TAF1C: variants seen among roughly 807,000 people sequenced by gnomAD.
TAF1C encodes TATA box-binding protein-associated factor RNA polymerase I subunit C.
Under a neutral mutation model 70.5 loss-of-function variants are expected in TAF1C, and 79 were observed. That is an observed-to-expected ratio of 1.12 (90% confidence interval 0.93 to 1.35). The LOEUF (loss-of-function observed/expected upper bound fraction) is 1.35. Among genes scored for constraint, TAF1C ranks in the 40% most tolerant of loss-of-function variants. The pLI is 0.00. For synonymous variants in TAF1C, 614 were observed against 491.1 expected, an observed-to-expected ratio of 1.25 and a Z score of -3.31; for missense variants, 1,412 against 1,127.8, an observed-to-expected ratio of 1.25 and a Z score of -3.61.
At chr16:84,183,192 A>C (rs2089297613) in intron 5 of TAF1C, 43 bp from the exon 6 acceptor site, 7 of 1,613,512 alleles carry the variant, frequency 4.3e-6, no homozygotes, top group Non-Finnish European at 5.9e-6. Flanking sequence ...CCTCGAGTTC[A>C]CCCCTGAAGG....
intron 12 of TAF1C, chr16:84,180,818 C>T (rs1032355598): frequency 4.4e-6 from 6 of 1,366,042 alleles, no homozygotes; most frequent in South Asian, 1.9e-5. Flanking sequence ...CCCCTGGCTG[C>T]ACCTCGAAGC....
Position 84,182,551 on chromosome 16 carries a change from C to T in TAF1C, c.483-111G>A. 4.5e-6 allele frequency: 5 copies of T among 1,102,168 alleles called. No homozygotes were observed. Among genetic ancestry groups the T allele is most frequent in the Non-Finnish European group, 6.3e-6 (5 of 787,730 alleles). 68.3% of individuals were successfully genotyped at this position (1,102,168 alleles called of 1,614,324 possible). ...CACATTTCTTATTTACCTAGAATTT[C>T]TTCCTTTGGGAGACCACCCCATCCT... On this transcript the variant is annotated intron_variant, in intron 6 of 14. Transcript: ENST00000566732. This position sits in a 1 kb window ranked among gnomAD's most constrained non-coding sequence, Gnocchi z 5.0.
In TAF1C at chr16:84,182,215, G is replaced by A. The variant is rs1338127074; in HGVS notation, c.708C>T (p.Ala236=). The A allele has an allele frequency of 5.6e-6, 9 of 1,610,756 alleles. No individual in the cohort carries two copies. Among genetic ancestry groups the A allele is most frequent in the Non-Finnish European group, 7.6e-6 (9 of 1,178,426 alleles). ...AAGAAAGGATACGCAGCCTGTCCTG[G>A]GCGCCTCCAGCAGGGTAGACCAGCT... ...FGQLVYPAGG[A]QDRLHFQEVV... is the part of the protein sequence containing the mutation. The change falls in exon 7 of 15, where the codon GCC becomes GCT. Residue 236 remains alanine, a synonymous_variant. Transcript: ENST00000566732. The surrounding 1 kb of genome is among the most constrained non-coding windows in gnomAD (Gnocchi z 5.0).
Position 84,182,381 on chromosome 16 carries a change from A to G in TAF1C, c.542T>C (p.Ile181Thr), listed in dbSNP as rs1247802032. 5 of 1,608,402 alleles carry G rather than the reference A, an allele frequency of 3.1e-6. No homozygotes were observed. The African/African-American group carries it at 5.3e-5, about 17-fold the overall frequency. Residue 181 changes from isoleucine to threonine, a missense_variant, in exon 7 of 15, where the codon ATC (isoleucine) becomes ACC (threonine). By Grantham distance (89) the Ile-to-Thr change is moderately conservative (BLOSUM62 -1). Transcript: ENST00000566732. This position sits in a 1 kb window ranked among gnomAD's most constrained non-coding sequence, Gnocchi z 5.0. ...GTGGCTCGCCACCGACGTGCCCAGG[A>G]TGGGGCCCCCGAGGATAGAGAAGCG... ...QRRFSILGGP[I>T]LGTSVASHLA...
At chr16:84,186,812 G>A (rs1158502326) in intron 1 of TAF1C, 89 bp downstream of exon 1, 4 of 152,414 alleles carry the variant, frequency 2.6e-5, no homozygotes, top group African/African-American at 9.6e-5. Context: ...GGGGACTGGG[G>A]ATTGGGGGCG....
At position 84,182,506 on chromosome 16, in the gene TAF1C, A is replaced by C; in HGVS notation, c.483-66T>G. ...TCAGGGGAGGACAGGTCCCATCCCA[A>C]GGAGGCCAAGTGCAGTGGACACATT... On this transcript the variant is annotated intron_variant, in intron 6 of 14. Transcript: ENST00000566732. This position sits in a 1 kb window ranked among gnomAD's most constrained non-coding sequence, Gnocchi z 5.0. 2.1e-6 allele frequency: 3 copies of C among 1,439,960 alleles called. No homozygotes were observed. The highest frequency in any genetic ancestry group is 2.8e-6 in the Non-Finnish European group (3 of 1,064,632). 89.2% of individuals were successfully genotyped at this position (1,439,960 alleles called of 1,614,324 possible). A position where few individuals can be genotyped will look rare whatever the true frequency, so the allele number is the denominator to read the frequency against.
rs914674441 is a variant in TAF1C, at chr16:84,178,871, G to A, written c.*70C>T. 42 of 1,475,078 alleles carry A rather than the reference G, an allele frequency of 2.8e-5. No individual in the cohort carries two copies. Among genetic ancestry groups the A allele is most frequent in the Non-Finnish European group, 3.5e-5 (39 of 1,105,654 alleles). 91.4% of individuals were successfully genotyped at this position (1,475,078 alleles called of 1,614,324 possible). A position where few individuals can be genotyped will look rare whatever the true frequency, so the allele number is the denominator to read the frequency against. On this transcript the variant is annotated 3_prime_UTR_variant, in exon 15 of 15. Transcript: ENST00000566732. Reference sequence around the variant, plus strand: ...CTCTGCTTCTCAAGTTTCAACTGTGGAAGGCACATCTGGTCCCAGAGGAAG... The same window carrying A: ...CTCTGCTTCTCAAGTTTCAACTGTGAAAGGCACATCTGGTCCCAGAGGAAG...
At position 84,178,839 on chromosome 16, in the gene TAF1C, T is replaced by C. The variant is rs1408151747; in HGVS notation, c.*102A>G. ...CATCATCACAGTGGCCTCCAGAAGG[T>C]GGCGAGCTCTGCTTCTCAAGTTTCA... On this transcript the variant is annotated 3_prime_UTR_variant, in exon 15 of 15. Transcript: ENST00000566732. 11 of 1,315,040 alleles carry C rather than the reference T, an allele frequency of 8.4e-6. No homozygotes were observed. The East Asian group carries it at 2.6e-4, about 31-fold the overall frequency. The allele number at this position is 1,315,040 out of a possible 1,614,324, so 81.5% of individuals were successfully genotyped here.
At chr16:84,184,574 C>T (rs908814362) in intron 2 of TAF1C, among the ~76,000 whole-genome samples, 1 of 152,206 alleles carries the variant, frequency 6.6e-6, no homozygotes, top group Non-Finnish European at 1.5e-5. Flanking sequence ...TGTTTATTCT[C>T]GCTCAACTCA....
chr16:84,179,808 T>G lies in TAF1C; in HGVS notation c.1665A>C (p.Pro555=). Residue 555 remains proline, a synonymous_variant, in exon 15 of 15, where the codon CCA becomes CCC. Coordinates refer to ENST00000566732, the MANE Select transcript of TAF1C (RefSeq NM_001243156.2). ...CCGAGAGCTGGAAGAGCACCAGGCC[T>G]GGTGTGGGCGCTGAGGGCAAGGGCG... ...VVPPLPSAPT[P]GLVLFQLSAA... 6.2e-7 allele frequency: 1 copy of G among 1,609,688 alleles called. No homozygotes were observed. The highest frequency in any genetic ancestry group is 1.1e-5 in the South Asian group (1 of 90,826).
chr16:84,183,547 G>T, intron 3 of TAF1C, 40 bp from the exon 4 acceptor site: 1 of 1,580,924 alleles, frequency 6.3e-7, no homozygotes, highest in Non-Finnish European at 8.6e-7. Flanking sequence ...GAGGGCACAG[G>T]AGTGCGGCCA....
At position 84,179,737 on chromosome 16, in the gene TAF1C, G is replaced by A; in HGVS notation, c.1736C>T (p.Ser579Phe). 1.9e-6 allele frequency: 3 copies of A among 1,611,554 alleles called. No individual in the cohort carries two copies. Among genetic ancestry groups the A allele is most frequent in the Non-Finnish European group, 2.5e-6 (3 of 1,179,612 alleles). The part of the protein sequence containing the change: ...FYQQLRPQVD[S>F]SLRRDAGPPG... Reference sequence around the variant, plus strand: ...AGGCCCAGCATCTCTGCGGAGGCTGGAGTCCACCTGGGGGCGGAGCTGCTG... The same window carrying A: ...AGGCCCAGCATCTCTGCGGAGGCTGAAGTCCACCTGGGGGCGGAGCTGCTG... The change falls in exon 15 of 15, where the codon TCC becomes TTC. Residue 579 changes from serine (S) to phenylalanine (F), a missense_variant. By Grantham distance (155) the Ser-to-Phe change is radical. Coordinates refer to ENST00000566732, the MANE Select transcript of TAF1C (RefSeq NM_001243156.2).
At chr16:84,184,385 G>A (rs1034155776) in intron 2 of TAF1C, among the ~76,000 whole-genome samples, 5 of 152,144 alleles carry the variant, frequency 3.3e-5, no homozygotes, top group Non-Finnish European at 7.4e-5. Flanking sequence ...TGTTTCCAAG[G>A]GGAACTAGGC....
intron 1 of TAF1C, 39 bp downstream of exon 1, chr16:84,186,862 C>G (rs2089518455): frequency 1.3e-5 from 2 of 152,378 alleles, no homozygotes; most frequent in African/African-American, 2.4e-5. Context: ...TCCTCGAACA[C>G]GCGCAGTCCG....
rs2089166688 is a variant in TAF1C at position 84,181,221 on chromosome 16, G to T, written c.1165-35C>A. The T allele has an allele frequency of 1.9e-6, 3 of 1,594,364 alleles. No individual in the cohort carries two copies. In the South Asian group the frequency reaches 3.3e-5, roughly 18 times the overall value. On this transcript the variant is annotated intron_variant, in intron 11 of 14. Coordinates refer to ENST00000566732, the MANE Select transcript of TAF1C (RefSeq NM_001243156.2). Reference sequence around the variant, plus strand: ...AAACACAGGGTCAGCCCTCCCCACAGTCCCAGGCCGGTGACGCTGTCCTCG... The same window carrying T: ...AAACACAGGGTCAGCCCTCCCCACATTCCCAGGCCGGTGACGCTGTCCTCG...
At position 84,183,739 on chromosome 16, in the gene TAF1C, G is replaced by A; in HGVS notation, c.178C>T (p.Pro60Ser). ...LHVTKDLLWE[P>S]ATPGPLPMLP... ...ATGGGGAGAGGCCCAGGGGTTGCCGGCTCCCACAGCAGGTCCTTGGTCACA... is the reference window on the plus strand; with the variant it reads ...ATGGGGAGAGGCCCAGGGGTTGCCGACTCCCACAGCAGGTCCTTGGTCACA... Residue 60 changes from proline to serine, a missense_variant, in exon 3 of 15, where the codon CCG becomes TCG. Pro to Ser is a moderately conservative substitution (Grantham distance 74). Coordinates refer to ENST00000566732, the MANE Select transcript of TAF1C (RefSeq NM_001243156.2). 6.2e-7 allele frequency: 1 copy of A among 1,613,042 alleles called. No individual in the cohort carries two copies.
In TAF1C at chr16:84,185,053, C is replaced by A. The variant is rs893080239; in HGVS notation, c.-65G>T. On this transcript the variant is annotated 5_prime_UTR_variant, in exon 2 of 15. Coordinates refer to ENST00000566732, the MANE Select transcript of TAF1C (RefSeq NM_001243156.2). The stretch of plus-strand genomic sequence containing the variant: ...GAGACTGGAAGCTGGTAAGGGGCGC[C>A]AGAGTTCCTGAGGAGTGAAAAGTGC... 3 of 1,566,296 alleles carry A rather than the reference C, an allele frequency of 1.9e-6. No homozygotes were observed. In the African/African-American group the frequency reaches 4.1e-5, roughly 21 times the overall value.
chr16:84,179,047 G>T lies in TAF1C; in HGVS notation c.2426C>A (p.Pro809His), dbSNP rs114205237. Residue 809 changes from proline (P) to histidine (H), a missense_variant, in exon 15 of 15, where the codon CCT becomes CAT. Transcript: ENST00000566732. ...QRDTPGCATT[P>H]PHSQASSVRA... The stretch of plus-strand genomic sequence containing the variant: ...GACGCTGGAGGCCTGGGAGTGGGGA[G>T]GTGTGGTGGCACAGCCTGGGGTGTC... 1,370 of 1,610,960 alleles carry T rather than the reference G, an allele frequency of 8.5e-4. 8 individuals carry two copies. The African/African-American group carries it at 0.016, about 19-fold the overall frequency.
intron 2 of TAF1C, 133 bp downstream of exon 2, chr16:84,184,718 C>T (rs987395593): frequency 1.7e-6 from 2 of 1,186,154 alleles, no homozygotes; most frequent in South Asian, 3.3e-5. Flanking sequence ...GAGGAGGTGG[C>T]AGAGCCTGTG....
Sources: gnomAD v4.1 joint callset for allele counts (sites outside exome capture counted in the v4.1 genomes callset) on GRCh38, gnomAD v4.1.1 for gene constraint, Gnocchi (gnomAD v3.1) non-coding constraint, MANE v1.5 for transcripts, NCBI Gene and HGNC (gene_info 2026-07-23, HGNC 2026-07-21) for gene names.